The following CCDC171 variants were observed in gnomAD, a reference collection of about 807,000 sequenced individuals.
CCDC171 encodes coiled-coil domain-containing protein 171.
In CCDC171, 177 loss-of-function variants were observed where a neutral mutation model predicts 168.2. The ratio of observed to expected loss-of-function variants is 1.05; its 90% CI spans 0.93 to 1.19. CCDC171 has a LOEUF of 1.19. Ranked by LOEUF, CCDC171 falls within the 50% of genes most tolerant of loss-of-function variation. The pLI is 0.00. For synonymous variants in CCDC171, 687 were observed against 540.8 expected (o/e 1.27, Z -3.75); for missense variants, 1,991 against 1,539.0 (o/e 1.29, Z -4.91).
chr9:15,700,404 G>C (rs1275588657), intron 11 of CCDC171, among the ~76,000 whole-genome samples: 2 of 152,186 alleles, frequency 1.3e-5, no homozygotes, highest in Non-Finnish European at 2.9e-5. Context: ...CGCAGCCCCG[G>C]TTCCCACTCA....
intron 10 of CCDC171, among the ~76,000 whole-genome samples, chr9:15,681,013 A>T (rs2050006038): frequency 6.6e-6 from 1 of 152,170 alleles, no homozygotes; most frequent in Non-Finnish European, 1.5e-5. Flanking sequence ...GAGCATATTC[A>T]TATTTAGTGA....
chr9:15,907,028 C>T (rs1171563469), intron 24 of CCDC171, among the ~76,000 whole-genome samples: 2 of 152,122 alleles, frequency 1.3e-5, no homozygotes. Context: ...AATGGAAGAA[C>T]ATTCCATGCT....
At chr9:15,707,050 C>G (rs907819908) in intron 11 of CCDC171, among the ~76,000 whole-genome samples, 27 of 152,174 alleles carry the variant, frequency 1.8e-4, no homozygotes, top group African/African-American at 6.3e-4. Context: ...TCTTGTGAAC[C>G]TTGTAGCTGG....
At chr9:16,015,344 C>G (rs967841984) in intron 3 of CCDC171, among the ~76,000 whole-genome samples, 16 of 152,286 alleles carry the variant, frequency 1.1e-4, no homozygotes, top group African/African-American at 3.6e-4. Flanking sequence ...GAGTTAGTGC[C>G]TTGCTCTGGA....
the CCDC171 span, among the ~76,000 whole-genome samples, chr9:16,079,547 G>A: frequency 6.6e-6 from 1 of 152,210 alleles, no homozygotes; most frequent in African/African-American, 2.4e-5. Flanking sequence ...AAGGCAAGAA[G>A]CAAACGAACA....
intron 7 of CCDC171, among the ~76,000 whole-genome samples, chr9:15,642,341 GTGTATATATATATATATATATATATATA>G (rs1314186263): frequency 7.3e-5 from 3 of 40,946 alleles, no homozygotes; most frequent in African/African-American, 2.0e-4. Flanking sequence ...ACGTGTGTGT[GTGTATATATATATATATATATATATATA>G]TATATATATA....
chr9:16,098,656 C>G, the CCDC171 span, among the ~76,000 whole-genome samples: 2 of 152,172 alleles, frequency 1.3e-5, no homozygotes, highest in Admixed American at 1.3e-4. Context: ...TAAGAGTGCT[C>G]CTAACTTAAA....
At chr9:15,565,198 C>G in intron 2 of CCDC171, among the ~76,000 whole-genome samples, 1 of 151,700 alleles carries the variant, frequency 6.6e-6, no homozygotes, top group Non-Finnish European at 1.5e-5. Flanking sequence ...AAGTGATTCC[C>G]CTGCCTCAGC....
chr9:15,683,214 G>T (rs1017962953), intron 10 of CCDC171, among the ~76,000 whole-genome samples: 5 of 151,968 alleles, frequency 3.3e-5, no homozygotes, highest in Non-Finnish European at 5.9e-5. Context: ...ACTTGTGATT[G>T]AAAATGGTCA....
chr9:15,771,305 A>C (rs1021436890), intron 18 of CCDC171, among the ~76,000 whole-genome samples: 2 of 152,194 alleles, frequency 1.3e-5, no homozygotes, highest in African/African-American at 4.8e-5. Flanking sequence ...TTCTTTCATG[A>C]ACAGTGTTGA....
chr9:15,740,042 A>T (rs575364272), intron 16 of CCDC171, among the ~76,000 whole-genome samples: 4 of 151,938 alleles, frequency 2.6e-5, no homozygotes, highest in African/African-American at 9.7e-5. Context: ...TGGCCCTCCA[A>T]TGTGTTTTTT....
chr9:15,596,969 T>C (rs897416321), intron 6 of CCDC171, among the ~76,000 whole-genome samples: 4 of 152,190 alleles, frequency 2.6e-5, no homozygotes, highest in African/African-American at 9.7e-5. Context: ...TGTATAAGAA[T>C]GCTTGTGATT....
rs141834298 is a variant in CCDC171, at chr9:15,897,145, G to C, written c.3600+22482G>C. On this transcript the variant is annotated intron_variant, in intron 24 of 25. Coordinates refer to ENST00000380701, the MANE Select transcript of CCDC171 (RefSeq NM_173550.4). ...GCTAATCCTATGTGGGCAGGATTTG[G>C]GATATCACTGTCTTGGTATTTTGCT... Among the ~76,000 whole-genome samples the C allele has an allele frequency of 2.6e-5, 4 of 152,034 alleles. No homozygotes were observed. In the East Asian group the frequency reaches 7.7e-4, roughly 29 times the overall value.
At chr9:15,636,853 T>C (rs1564106547) in intron 7 of CCDC171, among the ~76,000 whole-genome samples, 1 of 151,320 alleles carries the variant, frequency 6.6e-6, no homozygotes, top group Non-Finnish European at 1.5e-5. Context: ...GAAAACTCTA[T>C]CATCACTAAA....
At position 15,677,896 on chromosome 9, in the gene CCDC171, A is replaced by G. The variant is rs1251545821; in HGVS notation, c.1077-862A>G. Reference sequence around the variant, plus strand: ...GTGTGTGTCATATATATATATATATATATATATATATATATATATATATAT... The same window carrying G: ...GTGTGTGTCATATATATATATATATGTATATATATATATATATATATATAT... On this transcript the variant is annotated intron_variant, in intron 9 of 25. Coordinates refer to ENST00000380701, the MANE Select transcript of CCDC171 (RefSeq NM_173550.4). 4.5e-4 allele frequency among the ~76,000 whole-genome samples: 8 copies of G among 17,690 alleles called. 2 individuals carry two copies. The highest frequency in any genetic ancestry group is 7.8e-4 in the Non-Finnish European group (8 of 10,318). The allele number at this position is 17,690 out of a possible 152,430, so 11.6% of individuals were successfully genotyped here. A position where few individuals can be genotyped will look rare whatever the true frequency, so the allele number is the denominator to read the frequency against.
rs1313962042 is a variant in CCDC171 at position 15,784,616 on chromosome 9, A to G, written c.3189A>G (p.Leu1063=). 3 of 1,613,376 alleles carry G rather than the reference A, an allele frequency of 1.9e-6. No individual in the cohort carries two copies. Among genetic ancestry groups the G allele is most frequent in the East Asian group, 2.2e-5 (1 of 44,846 alleles). The change falls in exon 21 of 26, where the codon CTA becomes CTG. Residue 1063 remains leucine, a synonymous_variant. Coordinates refer to ENST00000380701, the MANE Select transcript of CCDC171 (RefSeq NM_173550.4). The part of the protein sequence containing the change: ...QMLLNEQAQQ[L]QELNYKLELH... ...TATTGAATGAACAGGCACAACAACTACAGGAATTGAATTATAAACTTGAAT... is the reference window on the plus strand; with the variant it reads ...TATTGAATGAACAGGCACAACAACTGCAGGAATTGAATTATAAACTTGAAT...
At chr9:15,928,766 C>A (rs80084085) in intron 25 of CCDC171, among the ~76,000 whole-genome samples, 2,330 of 151,738 alleles carry the variant, frequency 0.015, 62 homozygotes, top group African/African-American at 0.053. Flanking sequence ...AACTGGACAG[C>A]TCAGTCAGCA....
At position 15,818,721 on chromosome 9, in the gene CCDC171, T is replaced by C. The variant is rs1272927582; in HGVS notation, c.3268-27981T>C. ...AAAGACCACATCTACGTCTGATTGG[T>C]GTACCTGAAAGTGACAGGGAGAATG... On this transcript the variant is annotated intron_variant, in intron 21 of 25. Coordinates refer to ENST00000380701, the MANE Select transcript of CCDC171 (RefSeq NM_173550.4). Among the ~76,000 whole-genome samples the C allele has an allele frequency of 1.7e-5, 2 of 117,956 alleles. 1 individual carries two copies. The highest frequency in any genetic ancestry group is 3.8e-5 in the Non-Finnish European group (2 of 52,478). The allele number at this position is 117,956 out of a possible 152,430, so 77.4% of individuals were successfully genotyped here. A position where few individuals can be genotyped will look rare whatever the true frequency, so the allele number is the denominator to read the frequency against.
chr9:16,052,136 C>T (rs1230936311), intron 1 of CCDC171, among the ~76,000 whole-genome samples: 1 of 152,142 alleles, frequency 6.6e-6, no homozygotes, highest in African/African-American at 2.4e-5. Context: ...CCAAATCACC[C>T]CTTTTGTTTT....
Sources: gnomAD v4.1 joint callset for allele counts (sites outside exome capture counted in the v4.1 genomes callset) on GRCh38, gnomAD v4.1.1 for gene constraint, MANE v1.5 for transcripts, NCBI Gene and HGNC (gene_info 2026-07-23, HGNC 2026-07-21) for gene names.